The following MTARC1 variants were observed in gnomAD, a reference collection of about 807,000 sequenced individuals.
MTARC1 encodes the protein mitochondrial amidoxime reducing component 1.
MTARC1 carries 24 observed loss-of-function variants against 33.6 expected under a neutral mutation model. The ratio of observed to expected loss-of-function variants is 0.72; its 90% CI spans 0.52 to 1.01. The LOEUF (loss-of-function observed/expected upper bound fraction) is 1.01. Among genes scored for constraint, MTARC1 ranks in the 50% least tolerant of loss-of-function variants. The pLI is 0.00. For missense variants in MTARC1, 417 were observed against 445.7 expected, an observed-to-expected ratio of 0.94 and a Z score of 0.58; for synonymous variants, 187 against 189.5, an observed-to-expected ratio of 0.99 and a Z score of 0.11.
At chr1:220,801,949 T>G (rs888603018) in intron 4 of MTARC1, among the ~76,000 whole-genome samples, 2 of 152,064 alleles carry the variant, frequency 1.3e-5, no homozygotes, top group Non-Finnish European at 2.9e-5. Flanking sequence ...CACTTCTCCC[T>G]GAAGCCACAG....
At chr1:220,805,390 A>G in intron 6 of MTARC1, 116 bp downstream of exon 6, 1 of 1,086,966 alleles carries the variant, frequency 9.2e-7, no homozygotes, top group Non-Finnish European at 1.4e-6. Flanking sequence ...ATAGTCTTGA[A>G]ACTCAAGAGG....
rs1673206739 is a variant in MTARC1 at position 220,813,575 on chromosome 1, C to A, written c.*157C>A. ...CTTTTGGACTTCTGGTGTCTCAATG[C>A]TTCAATGTCCCAGTGCAAAAAGTAA... On this transcript the variant is annotated 3_prime_UTR_variant, in exon 7 of 7. Coordinates refer to ENST00000366910, the MANE Select transcript of MTARC1 (RefSeq NM_022746.4). 4 of 891,020 alleles carry A rather than the reference C, an allele frequency of 4.5e-6. No individual in the cohort carries two copies. The South Asian group carries it at 5.4e-5, about 12-fold the overall frequency. The allele number at this position is 891,020 out of a possible 1,614,324, so 55.2% of individuals were successfully genotyped here. A position where few individuals can be genotyped will look rare whatever the true frequency, so the allele number is the denominator to read the frequency against.
intron 2 of MTARC1, 77 bp from the exon 3 acceptor site, chr1:220,796,566 T>C: frequency 6.9e-7 from 1 of 1,439,364 alleles, no homozygotes; most frequent in Non-Finnish European, 9.2e-7. Context: ...GAGCAGCTTT[T>C]CTGATATAGC....
At chr1:220,809,512 A>AATTTTATTTT (rs1553257990) in intron 6 of MTARC1, among the ~76,000 whole-genome samples, 46 of 151,446 alleles carry the variant, frequency 3.0e-4, no homozygotes, top group African/African-American at 1.1e-3. Context: ...AATTTAATTT[A>AATTTTATTTT]ATTTATTTAT....
At chr1:220,811,277 C>G (rs1673127407) in intron 6 of MTARC1, among the ~76,000 whole-genome samples, 2 of 152,256 alleles carry the variant, frequency 1.3e-5, no homozygotes, top group Non-Finnish European at 2.9e-5. Flanking sequence ...AGAGGAAATA[C>G]TCTTGGCAAG....
intron 4 of MTARC1, among the ~76,000 whole-genome samples, chr1:220,804,266 T>C (rs1239567147): frequency 6.6e-6 from 1 of 152,180 alleles, no homozygotes; most frequent in East Asian, 1.9e-4. Flanking sequence ...CAGACCAGCC[T>C]GGAGAGTCAT....
At chr1:220,800,853 C>T (rs1164607061) in intron 4 of MTARC1, among the ~76,000 whole-genome samples, 1 of 151,620 alleles carries the variant, frequency 6.6e-6, no homozygotes, top group Non-Finnish European at 1.5e-5. Context: ...CTTTCTCTCA[C>T]ATCCTAGGTT....
At chr1:220,797,688 G>A in intron 3 of MTARC1, 186 bp from the exon 4 acceptor site, 1 of 595,442 alleles carries the variant, frequency 1.7e-6, no homozygotes, top group Non-Finnish European at 2.9e-6. Context: ...TGCAGTTTCT[G>A]CTATCTGCAA....
chr1:220,813,498 A>C lies in MTARC1; in HGVS notation c.*80A>C. ...GACAACACTTGAAGCATGGTGTTTCAGAACTGAGACCTCTACATTTTCTTT... is the reference window on the plus strand; with the variant it reads ...GACAACACTTGAAGCATGGTGTTTCCGAACTGAGACCTCTACATTTTCTTT... On this transcript the variant is annotated 3_prime_UTR_variant, in exon 7 of 7. Coordinates refer to ENST00000366910, the MANE Select transcript of MTARC1 (RefSeq NM_022746.4). 1 of 1,558,034 alleles carries C rather than the reference A, an allele frequency of 6.4e-7. No homozygotes were observed. Among genetic ancestry groups the C allele is most frequent in the Non-Finnish European group, 8.8e-7 (1 of 1,141,116 alleles).
chr1:220,806,328 T>C (rs952435802), intron 6 of MTARC1, among the ~76,000 whole-genome samples: 1 of 152,162 alleles, frequency 6.6e-6, no homozygotes. Flanking sequence ...TTCCTTGGCT[T>C]TGTGTAAGAC....
At chr1:220,808,129 T>G (rs976491300) in intron 6 of MTARC1, among the ~76,000 whole-genome samples, 7 of 152,152 alleles carry the variant, frequency 4.6e-5, no homozygotes, top group Admixed American at 1.3e-4. Context: ...TCCTTCCCTC[T>G]GGATTTAGAA....
At position 220,803,316 on chromosome 1, in the gene MTARC1, A is replaced by T. The variant is rs568769044; in HGVS notation, c.754-1736A>T. On this transcript the variant is annotated intron_variant, in intron 4 of 6. Transcript: ENST00000366910. ...AAAGACCCGCCCCCATGATTCAATT[A>T]CCTCCAACTGGGTCCCTCCCATGAC... Among the ~76,000 whole-genome samples the T allele has an allele frequency of 2.9e-3, 445 of 152,182 alleles. 2 individuals are homozygous for T. Among genetic ancestry groups the T allele is most frequent in the African/African-American group, 0.01 (421 of 41,524 alleles).
intron 4 of MTARC1, among the ~76,000 whole-genome samples, chr1:220,803,330 C>G (rs1672873431): frequency 6.6e-6 from 1 of 152,186 alleles, no homozygotes; most frequent in Non-Finnish European, 1.5e-5. Flanking sequence ...CCAACTGGGT[C>G]CCTCCCATGA....
intron 6 of MTARC1, among the ~76,000 whole-genome samples, chr1:220,812,607 GGC>G (rs1280737393): frequency 5.9e-5 from 9 of 152,342 alleles, no homozygotes; most frequent in African/African-American, 1.9e-4. Context: ...GTAAAGGATG[GGC>G]TCCCAGCCCA....
chr1:220,808,319 C>A (rs1673031214), intron 6 of MTARC1, among the ~76,000 whole-genome samples: 1 of 152,232 alleles, frequency 6.6e-6, no homozygotes, highest in African/African-American at 2.4e-5. Context: ...GCACACCCCC[C>A]TGATCTTCCG....
chr1:220,808,836 G>A, intron 6 of MTARC1: 1 of 471,140 alleles, frequency 2.1e-6, no homozygotes, highest in South Asian at 1.5e-5. Flanking sequence ...TATGAAAATG[G>A]AATTTTTCTT....
At chr1:220,794,775 C>T (rs960577621) in intron 2 of MTARC1, among the ~76,000 whole-genome samples, 3 of 152,034 alleles carry the variant, frequency 2.0e-5, no homozygotes, top group African/African-American at 7.2e-5. Context: ...ACTTCATAGG[C>T]CTTGGGTGCA....
At chr1:220,812,557 C>T (rs1012908103) in intron 6 of MTARC1, among the ~76,000 whole-genome samples, 1 of 152,144 alleles carries the variant, frequency 6.6e-6, no homozygotes, top group East Asian at 1.9e-4. Flanking sequence ...CCTTGGAACT[C>T]GGCAGCTGCG....
chr1:220,802,698 C>T (rs1672852236), intron 4 of MTARC1, among the ~76,000 whole-genome samples: 1 of 152,188 alleles, frequency 6.6e-6, no homozygotes, highest in African/African-American at 2.4e-5. Flanking sequence ...TTCACCCAGG[C>T]TCAGAGCGTG....
Sources: allele counts gnomAD v4.1 joint callset (sites outside exome capture counted in the v4.1 genomes callset), GRCh38; gene constraint gnomAD v4.1.1; transcripts MANE v1.5; gene names NCBI Gene and HGNC (gene_info 2026-07-23, HGNC 2026-07-21).